Variants in MALRD1 observed in about 807,000 individuals in gnomAD.
MALRD1 encodes the protein MAM and LDL-receptor class A domain-containing protein 1.
MALRD1 carries 247 observed loss-of-function variants against 242.1 expected under a neutral mutation model. The observed-to-expected ratio is 1.02, with a 90% confidence interval of 0.92 to 1.13. The LOEUF is 1.13. MALRD1 is among the 50% of genes most tolerant of loss of function. The pLI is 0.00. For missense variants in MALRD1, 2,989 were observed against 2,533.1 expected, an observed-to-expected ratio of 1.18 and a Z score of -3.86; for synonymous variants, 995 against 866.6, an observed-to-expected ratio of 1.15 and a Z score of -2.60.
chr10:19,525,071 ATT>A (rs375129603), intron 31 of MALRD1, among the ~76,000 whole-genome samples: 15 of 140,862 alleles, frequency 1.1e-4, no homozygotes, highest in Admixed American at 1.4e-4. Context: ...TGCCCAGCTA[ATT>A]TTTTTTTTTT....
rs556484213 is a variant in MALRD1 at position 19,167,399 on chromosome 10, T to A, written c.1830+1589T>A. On this transcript the variant is annotated intron_variant, in intron 13 of 39. Coordinates refer to ENST00000454679, the MANE Select transcript of MALRD1 (RefSeq NM_001142308.3). ...AAAAAGTGTATGATTATAGGGAAGT[T>A]ACCGAAGCCCTCTATGCCTCTTTCA... is the stretch of plus-strand genomic sequence containing the variant. Among the ~76,000 whole-genome samples, 20 of 152,106 alleles carry A rather than the reference T, an allele frequency of 1.3e-4. No homozygotes were observed. In the South Asian group the frequency reaches 3.7e-3, roughly 29 times the overall value.
chr10:19,452,194 T>C (rs577376986), intron 29 of MALRD1, among the ~76,000 whole-genome samples: 27 of 152,344 alleles, frequency 1.8e-4, no homozygotes, highest in African/African-American at 6.3e-4. Flanking sequence ...TCCTTTCCTC[T>C]CAAGGGAAGC....
intron 21 of MALRD1, among the ~76,000 whole-genome samples, chr10:19,315,018 A>AATATGTAAATATAAT (rs1251974249): frequency 1.5e-4 from 22 of 144,814 alleles, no homozygotes; most frequent in African/African-American, 5.2e-4. Flanking sequence ...AATTTATATA[A>AATATGTAAATATAAT]ATATATAAAT....
chr10:19,563,534 C>G (rs938882381), intron 32 of MALRD1, among the ~76,000 whole-genome samples: 2 of 152,196 alleles, frequency 1.3e-5, no homozygotes, highest in Admixed American at 1.3e-4. Context: ...CTCACTGATG[C>G]ATTTCACACA....
At chr10:19,101,923 C>G (rs1411428807) in intron 4 of MALRD1, among the ~76,000 whole-genome samples, 1 of 136,146 alleles carries the variant, frequency 7.3e-6, no homozygotes, top group Non-Finnish European at 1.5e-5. Flanking sequence ...TATATATAAT[C>G]TCCAAGTAGT....
intron 36 of MALRD1, among the ~76,000 whole-genome samples, chr10:19,668,725 T>A (rs1564528507): frequency 6.6e-6 from 1 of 151,934 alleles, no homozygotes; most frequent in Non-Finnish European, 1.5e-5. Context: ...ACTCAAAAAT[T>A]TTAGACATTG....
Position 19,734,238 on chromosome 10 carries a change from C to T in MALRD1, c.*1C>T. On this transcript the variant is annotated 3_prime_UTR_variant, in exon 40 of 40. Coordinates refer to ENST00000454679, the MANE Select transcript of MALRD1 (RefSeq NM_001142308.3). ...GACCCTGTCACATCATCTCAAATAG[C>T]AGCATCGAGACCAAGTCTGATCCAA... 3 of 1,534,418 alleles carry T rather than the reference C, an allele frequency of 2.0e-6. No individual in the cohort carries two copies. Among genetic ancestry groups the T allele is most frequent in the South Asian group, 1.2e-5 (1 of 83,938 alleles).
intron 36 of MALRD1, among the ~76,000 whole-genome samples, chr10:19,689,745 T>C (rs1330082352): frequency 6.6e-6 from 1 of 152,170 alleles, no homozygotes; most frequent in Non-Finnish European, 1.5e-5. Flanking sequence ...TCATTATTTA[T>C]TGACATTCAT....
intron 18 of MALRD1, among the ~76,000 whole-genome samples, chr10:19,213,110 A>G (rs1372280306): frequency 2.0e-5 from 3 of 152,024 alleles, no homozygotes; most frequent in African/African-American, 4.8e-5. Flanking sequence ...TCTTATCAAT[A>G]TATTATTTTA....
intron 18 of MALRD1, 51 bp from the exon 19 acceptor site, chr10:19,257,632 CT>C: frequency 7.6e-7 from 1 of 1,308,552 alleles, no homozygotes; most frequent in South Asian, 1.4e-5. Flanking sequence ...ACTTAATTTC[CT>C]TTACCACATA....
intron 35 of MALRD1, among the ~76,000 whole-genome samples, chr10:19,608,108 C>A (rs572000241): frequency 6.6e-6 from 1 of 152,154 alleles, no homozygotes; most frequent in East Asian, 1.9e-4. Context: ...CATGCTAGTT[C>A]TACACAATGT....
intron 36 of MALRD1, among the ~76,000 whole-genome samples, chr10:19,673,425 A>G (rs993366084): frequency 1.3e-5 from 2 of 152,108 alleles, no homozygotes; most frequent in Non-Finnish European, 2.9e-5. Flanking sequence ...CCTTTTCCTT[A>G]TATGATTAGA....
intron 32 of MALRD1, 39 bp downstream of exon 32, chr10:19,531,390 T>C (rs1210519954): frequency 1.4e-6 from 2 of 1,477,830 alleles, no homozygotes. Context: ...CACTGAAATA[T>C]GCATGACATG....
rs76288688 is a variant in MALRD1 at position 19,438,882 on chromosome 10, A to G, written c.4846-11425A>G. The stretch of plus-strand genomic sequence containing the variant: ...AGTAAAAATGTTTTCCACAGGATCT[A>G]TCCCAGGCTCTTCTGAACTCATTGC... On this transcript the variant is annotated intron_variant, in intron 28 of 39. Coordinates refer to ENST00000454679, the MANE Select transcript of MALRD1 (RefSeq NM_001142308.3). Among the ~76,000 whole-genome samples the G allele has an allele frequency of 5.9e-3, 899 of 152,238 alleles. 13 individuals are homozygous for G. The highest frequency in any genetic ancestry group is 0.024 in the Admixed American group (363 of 15,276).
intron 24 of MALRD1, 127 bp from the exon 25 acceptor site, chr10:19,347,644 A>G (rs1189060564): frequency 1.8e-6 from 2 of 1,112,434 alleles, no homozygotes; most frequent in Non-Finnish European, 2.5e-6. Flanking sequence ...ATATGTTGCT[A>G]TCAGGATAGC....
At chr10:19,463,981 T>G (rs1342591095) in intron 29 of MALRD1, among the ~76,000 whole-genome samples, 3 of 152,236 alleles carry the variant, frequency 2.0e-5, no homozygotes, top group African/African-American at 2.4e-5. Flanking sequence ...TGTTGAACAT[T>G]TTTTCATATG....
intron 14 of MALRD1, among the ~76,000 whole-genome samples, chr10:19,202,610 T>C (rs886336144): frequency 6.6e-6 from 1 of 152,178 alleles, no homozygotes; most frequent in African/African-American, 2.4e-5. Context: ...GTTTACTTCC[T>C]AATTTATTTT....
intron 21 of MALRD1, among the ~76,000 whole-genome samples, chr10:19,293,439 A>G (rs1479661653): frequency 6.6e-6 from 1 of 152,220 alleles, no homozygotes; most frequent in Non-Finnish European, 1.5e-5. Context: ...CTTATTTTAG[A>G]TTGTCCTTGA....
In MALRD1 at chr10:19,692,366, GTGACATTA is replaced by G; in HGVS notation, c.6217+10_6217+17del. The stretch of plus-strand genomic sequence containing the variant: ...ACTTCACATACGCTCAGAATAGTAG[GTGACATTA>G]TGACTAAATAAATGGCTTGGTTTGG... On this transcript the variant is annotated splice_donor_region_variant and intron_variant, in intron 37 of 39. Coordinates refer to ENST00000454679, the MANE Select transcript of MALRD1 (RefSeq NM_001142308.3). The G allele has an allele frequency of 6.5e-7, 1 of 1,534,310 alleles. No homozygotes were observed. The highest frequency in any genetic ancestry group is 1.2e-5 in the South Asian group (1 of 83,896).
Sources: gnomAD v4.1 joint callset for allele counts (sites outside exome capture counted in the v4.1 genomes callset) on GRCh38, gnomAD v4.1.1 for gene constraint, MANE v1.5 for transcripts, NCBI Gene and HGNC (gene_info 2026-07-23, HGNC 2026-07-21) for gene names.